Variants in LGSN observed in about 807,000 individuals in gnomAD.
The protein encoded by LGSN is lengsin, lens protein with glutamine synthetase domain, also known as lengsin.
In LGSN, 21 loss-of-function variants were observed where a neutral mutation model predicts 19.5. The ratio of observed to expected loss-of-function variants is 1.07; its 90% CI spans 0.76 to 1.55. The LOEUF is 1.55. Among genes scored for constraint, LGSN ranks in the 40% most tolerant of loss-of-function variants. The pLI, the probability that LGSN is intolerant of heterozygous loss-of-function variation, is 0.00. For missense variants in LGSN, 673 were observed against 608.5 expected (o/e 1.11, Z -1.12); for synonymous variants, 257 against 215.6 (o/e 1.19, Z -1.68).
At chr6:63,509,075 T>C in the LGSN span, among the ~76,000 whole-genome samples, 1 of 149,596 alleles carries the variant, frequency 6.7e-6, no homozygotes, top group African/African-American at 2.4e-5. Context: ...AAAATTTTCT[T>C]TTTTTTTTTG....
chr6:63,393,775 T>C, the LGSN span, among the ~76,000 whole-genome samples: 1 of 152,304 alleles, frequency 6.6e-6, no homozygotes, highest in South Asian at 2.1e-4. Context: ...ACCTTCGCTC[T>C]TAAACTCCTC....
chr6:63,455,085 G>T, the LGSN span, among the ~76,000 whole-genome samples: 1 of 152,106 alleles, frequency 6.6e-6, no homozygotes, highest in Non-Finnish European at 1.5e-5. Context: ...GAGCCACCAC[G>T]CCTGGCCAAG....
the LGSN span, among the ~76,000 whole-genome samples, chr6:63,526,527 A>G: frequency 6.6e-6 from 1 of 151,940 alleles, no homozygotes; most frequent in African/African-American, 2.4e-5. Context: ...AAAGATTTTT[A>G]GGCCAGGCGC....
the LGSN span, among the ~76,000 whole-genome samples, chr6:63,377,535 A>G: frequency 6.6e-6 from 1 of 152,358 alleles, no homozygotes; most frequent in East Asian, 1.9e-4. Flanking sequence ...ATAATTCTAT[A>G]GAAAGAACAC....
chr6:63,312,474 C>A (rs1225686723), intron 1 of LGSN, among the ~76,000 whole-genome samples: 1 of 152,124 alleles, frequency 6.6e-6, no homozygotes, highest in Non-Finnish European at 1.5e-5. Context: ...TATATAGTAT[C>A]CCTTTGGAGA....
At chr6:63,530,853 A>G in the LGSN span, among the ~76,000 whole-genome samples, 1 of 152,190 alleles carries the variant, frequency 6.6e-6, no homozygotes, top group East Asian at 1.9e-4. Flanking sequence ...AAAACATCCA[A>G]ATTGATACTT....
At chr6:63,535,791 A>G in the LGSN span, among the ~76,000 whole-genome samples, 1 of 152,142 alleles carries the variant, frequency 6.6e-6, no homozygotes, top group East Asian at 1.9e-4. Flanking sequence ...CAATAGCTAT[A>G]TTTAGGCTGG....
chr6:63,348,924 G>A, the LGSN span, among the ~76,000 whole-genome samples: 1 of 151,924 alleles, frequency 6.6e-6, no homozygotes, highest in East Asian at 1.9e-4. Context: ...CGTAGTAAAG[G>A]CTTTCAAAGG....
At chr6:63,398,399 C>G in the LGSN span, among the ~76,000 whole-genome samples, 21 of 151,522 alleles carry the variant, frequency 1.4e-4, no homozygotes, top group Non-Finnish European at 2.5e-4. Context: ...CCTGTGTAGG[C>G]TTAGGGTAAT....
At chr6:63,519,418 ATAGCT>A in the LGSN span, among the ~76,000 whole-genome samples, 2 of 152,198 alleles carry the variant, frequency 1.3e-5, no homozygotes, top group Admixed American at 1.3e-4. Flanking sequence ...TCCTCTTTTC[ATAGCT>A]TTTTGGATTT....
At chr6:63,413,458 CTCTTACTTAACAGA>C in the LGSN span, among the ~76,000 whole-genome samples, 1 of 152,142 alleles carries the variant, frequency 6.6e-6, no homozygotes, top group Admixed American at 6.5e-5. Context: ...TTTTACTCCT[CTCTTACTTAACAGA>C]TTTGTGACTG....
chr6:63,370,381 CTA>C, the LGSN span, among the ~76,000 whole-genome samples: 2 of 152,194 alleles, frequency 1.3e-5, no homozygotes, highest in Non-Finnish European at 2.9e-5. Flanking sequence ...ATCCCAAAAC[CTA>C]CTCAGAAGGA....
chr6:63,329,052 A>C, the LGSN span, among the ~76,000 whole-genome samples: 475 of 152,330 alleles, frequency 3.1e-3, 3 homozygotes, highest in African/African-American at 0.011. Flanking sequence ...GACCTAGACA[A>C]CTTGTACCCT....
chr6:63,476,266 A>T, the LGSN span, among the ~76,000 whole-genome samples: 1 of 152,188 alleles, frequency 6.6e-6, no homozygotes, highest in South Asian at 2.1e-4. Flanking sequence ...ATCCTTGCAA[A>T]TCTAACAACC....
At chr6:63,448,544 G>A in the LGSN span, among the ~76,000 whole-genome samples, 1 of 151,652 alleles carries the variant, frequency 6.6e-6, no homozygotes, top group Non-Finnish European at 1.5e-5. Flanking sequence ...GGAAAGGGAG[G>A]TAGGGAGAGA....
In LGSN at chr6:63,280,701, T is replaced by C; in HGVS notation, c.850A>G (p.Thr284Ala). 6.2e-7 allele frequency: 1 copy of C among 1,614,092 alleles called. No individual in the cohort carries two copies. The highest frequency in any genetic ancestry group is 8.5e-7 in the Non-Finnish European group (1 of 1,180,016). Residue 284 changes from threonine (T) to alanine (A), a missense_variant, in exon 4 of 4, where the codon ACC becomes GCC. Transcript: ENST00000370657. ...FGISSADNAF[T>A]LRTGVKEVAR... The stretch of plus-strand genomic sequence containing the variant: ...ACTTCTTTGACACCTGTTCTGAGGG[T>C]AAATGCATTATCAGCTGAGCTAATG...
At chr6:63,514,590 A>G in the LGSN span, among the ~76,000 whole-genome samples, 1 of 152,240 alleles carries the variant, frequency 6.6e-6, no homozygotes, top group African/African-American at 2.4e-5. Context: ...TTGTCACAAC[A>G]ATGAAATGTC....
the LGSN span, among the ~76,000 whole-genome samples, chr6:63,464,471 A>G: frequency 3.9e-3 from 599 of 151,806 alleles, 4 homozygotes; most frequent in Admixed American, 7.9e-3. Flanking sequence ...TTGACAGTAC[A>G]GAGACAAACC....
At chr6:63,449,318 G>A in the LGSN span, among the ~76,000 whole-genome samples, 19 of 152,132 alleles carry the variant, frequency 1.2e-4, no homozygotes, top group Admixed American at 3.3e-4. Context: ...AGGCCGAGGC[G>A]GGCGGATCAC....
Sources: allele counts gnomAD v4.1 joint callset (sites outside exome capture counted in the v4.1 genomes callset), GRCh38; gene constraint gnomAD v4.1.1; transcripts MANE v1.5; gene names NCBI Gene and HGNC (gene_info 2026-07-23, HGNC 2026-07-21).